PRKG2: variants seen among roughly 807,000 people sequenced by gnomAD.
PRKG2 encodes the protein cGMP-dependent protein kinase 2.
Under a neutral mutation model 97.2 loss-of-function variants are expected in PRKG2, and 33 were observed. The ratio of observed to expected loss-of-function variants is 0.34; its 90% CI spans 0.26 to 0.45. PRKG2 has a LOEUF of 0.45. Ranked by LOEUF, PRKG2 falls within the 20% of genes least tolerant of loss-of-function variation. The pLI is 1.00. For synonymous variants in PRKG2, 330 were observed against 321.8 expected, an observed-to-expected ratio of 1.03 and a Z score of -0.27; for missense variants, 638 against 900.0, an observed-to-expected ratio of 0.71 and a Z score of 3.73.
At chr4:81,130,229 T>C (rs978443501) in intron 14 of PRKG2, among the ~76,000 whole-genome samples, 4 of 152,178 alleles carry the variant, frequency 2.6e-5, no homozygotes, top group Non-Finnish European at 4.4e-5. Context: ...TTTCTGTTTG[T>C]TAGTTTTCCT....
chr4:81,143,906 C>T (rs1747547041), intron 10 of PRKG2, among the ~76,000 whole-genome samples: 1 of 152,166 alleles, frequency 6.6e-6, no homozygotes, highest in Non-Finnish European at 1.5e-5. Flanking sequence ...CTGCTCTTTA[C>T]CTCTAATCAA....
chr4:81,121,775 C>A (rs2110003300), intron 14 of PRKG2, among the ~76,000 whole-genome samples: 1 of 151,706 alleles, frequency 6.6e-6, no homozygotes, highest in East Asian at 1.9e-4. Flanking sequence ...TTTTATTGAT[C>A]TTTTCAAATA....
At chr4:81,139,433 C>T (rs954338090) in intron 12 of PRKG2, among the ~76,000 whole-genome samples, 15 of 151,874 alleles carry the variant, frequency 9.9e-5, no homozygotes, top group African/African-American at 2.9e-4. Flanking sequence ...CTCAAACACA[C>T]ATATATATAT....
At chr4:81,162,620 T>A (rs1458856641) in intron 6 of PRKG2, among the ~76,000 whole-genome samples, 1 of 152,164 alleles carries the variant, frequency 6.6e-6, no homozygotes, top group African/African-American at 2.4e-5. Flanking sequence ...ATTTGGCGTG[T>A]CTTTGCCTCA....
chr4:81,144,526 T>A (rs1747615921), intron 9 of PRKG2, among the ~76,000 whole-genome samples, 196 bp from the exon 10 acceptor site: 1 of 151,652 alleles, frequency 6.6e-6, no homozygotes, highest in Non-Finnish European at 1.5e-5. Context: ...CCTTTGATTT[T>A]ATAAAAGCAA....
At chr4:81,110,750 A>AC in intron 14 of PRKG2, 139 bp from the exon 15 acceptor site, 1 of 358,498 alleles carries the variant, frequency 2.8e-6, no homozygotes, top group Non-Finnish European at 4.7e-6. Context: ...CACACACACA[A>AC]AGAGAGAGAG....
At chr4:81,191,521 C>T (rs766258666) in intron 2 of PRKG2, among the ~76,000 whole-genome samples, 1 of 151,938 alleles carries the variant, frequency 6.6e-6, no homozygotes, top group African/African-American at 2.4e-5. Flanking sequence ...CAGCATGGCA[C>T]GTGTATACCT....
intron 6 of PRKG2, among the ~76,000 whole-genome samples, chr4:81,157,752 C>G (rs1325468628): frequency 6.6e-6 from 1 of 151,754 alleles, no homozygotes; most frequent in Non-Finnish European, 1.5e-5. Context: ...GGCTTCATCC[C>G]TGGGATGCAA....
intron 2 of PRKG2, among the ~76,000 whole-genome samples, chr4:81,175,186 A>G (rs372531934): frequency 1.3e-5 from 2 of 152,114 alleles, no homozygotes; most frequent in African/African-American, 4.8e-5. Context: ...TCATCATGAC[A>G]CCAATATTAT....
At chr4:81,217,574 A>G (rs977131222), upstream of PRKG2, among the ~76,000 whole-genome samples, 4 of 152,240 alleles carry the variant, frequency 2.6e-5, no homozygotes, top group African/African-American at 9.6e-5. Flanking sequence ...TCTCAGGCCC[A>G]GTGCTAAATA....
intron 9 of PRKG2, among the ~76,000 whole-genome samples, chr4:81,147,874 A>C (rs140553181): frequency 1.1e-3 from 167 of 152,268 alleles, no homozygotes; most frequent in African/African-American, 3.9e-3. Context: ...AATGCAACTA[A>C]AATGTATAGA....
At chr4:81,166,160 G>A (rs1017993249) in intron 6 of PRKG2, among the ~76,000 whole-genome samples, 5 of 152,112 alleles carry the variant, frequency 3.3e-5, no homozygotes, top group African/African-American at 1.2e-4. Context: ...TGGATGGGTT[G>A]CATGAATTGT....
At chr4:81,138,141 C>T (rs1746897463) in intron 12 of PRKG2, among the ~76,000 whole-genome samples, 1 of 152,180 alleles carries the variant, frequency 6.6e-6, no homozygotes, top group South Asian at 2.1e-4. Flanking sequence ...TGGTTCTCTT[C>T]ACCAAATAAA....
intron 6 of PRKG2, among the ~76,000 whole-genome samples, chr4:81,156,577 G>A (rs1043858925): frequency 5.9e-5 from 9 of 152,178 alleles, no homozygotes; most frequent in Non-Finnish European, 1.0e-4. Context: ...GCACCAAGCT[G>A]ACCTAATAGA....
intron 2 of PRKG2, among the ~76,000 whole-genome samples, chr4:81,189,394 AAT>A (rs1351856217): frequency 3.7e-5 from 5 of 133,764 alleles, no homozygotes; most frequent in Admixed American, 3.5e-4. Flanking sequence ...AAAAAAAGAA[AAT>A]GTGGCACATA....
rs28635221 is a variant in PRKG2 at position 81,089,678 on chromosome 4, G to A, written c.*30C>T. 4.1e-6 allele frequency: 6 copies of A among 1,465,686 alleles called. No individual in the cohort carries two copies. In the African/African-American group the frequency reaches 8.4e-5, roughly 20 times the overall value. 90.8% of individuals were successfully genotyped at this position (1,465,686 alleles called of 1,614,324 possible). On this transcript the variant is annotated 3_prime_UTR_variant, in exon 19 of 19. Transcript: ENST00000264399. Reference sequence around the variant, plus strand: ...TTGATCCTTGAGGTCCTCTTCTGTAGAGTACAGGCAGTAATCAACTTTTCT... The same window carrying A: ...TTGATCCTTGAGGTCCTCTTCTGTAAAGTACAGGCAGTAATCAACTTTTCT...
At chr4:81,189,097 C>T (rs1203022167) in intron 2 of PRKG2, among the ~76,000 whole-genome samples, 1 of 20,978 alleles carries the variant, frequency 4.8e-5, no homozygotes, top group Non-Finnish European at 8.1e-5. Context: ...AAAAAAGAAG[C>T]TAGCAATTGC....
intron 17 of PRKG2, among the ~76,000 whole-genome samples, chr4:81,102,759 C>T (rs1742930824): frequency 6.6e-6 from 1 of 152,102 alleles, no homozygotes; most frequent in African/African-American, 2.4e-5. Flanking sequence ...TTAACACATA[C>T]AGTAAAATTG....
chr4:81,116,394 C>A (rs1191806790), intron 14 of PRKG2, among the ~76,000 whole-genome samples: 2 of 152,104 alleles, frequency 1.3e-5, no homozygotes, highest in African/African-American at 4.8e-5. Flanking sequence ...TGTAGTATTC[C>A]ATGTTATATA....
Sources: gnomAD v4.1 joint callset for allele counts (sites outside exome capture counted in the v4.1 genomes callset) on GRCh38, gnomAD v4.1.1 for gene constraint, MANE v1.5 for transcripts, NCBI Gene and HGNC (gene_info 2026-07-23, HGNC 2026-07-21) for gene names.